The following MARCHF5 variants were observed in gnomAD, a reference collection of about 807,000 sequenced individuals.
MARCHF5 encodes the protein E3 ubiquitin-protein ligase MARCHF5.
In MARCHF5, 5 loss-of-function variants were observed where a neutral mutation model predicts 36.5. The ratio of observed to expected loss-of-function variants is 0.14; its 90% CI spans 0.07 to 0.29. MARCHF5 has a LOEUF of 0.29. MARCHF5 is among the 10% of genes least tolerant of loss of function. The pLI is 1.00. For missense variants in MARCHF5, 179 were observed against 336.3 expected, an observed-to-expected ratio of 0.53 and a Z score of 3.66; for synonymous variants, 103 against 109.9, an observed-to-expected ratio of 0.94 and a Z score of 0.39.
chr10:92,348,178 TC>T (rs1214203588), intron 3 of MARCHF5, among the ~76,000 whole-genome samples: 2 of 95,534 alleles, frequency 2.1e-5, no homozygotes, highest in East Asian at 6.2e-4. Context: ...AGCAAAAAAT[TC>T]CGTCTCAAAA....
intron 2 of MARCHF5, among the ~76,000 whole-genome samples, chr10:92,331,927 A>ATGTATATATAATCATATATATATG (rs1564951019): frequency 6.3e-4 from 92 of 146,124 alleles, no homozygotes; most frequent in African/African-American, 2.2e-3. Context: ...AATCATATAT[A>ATGTATATATAATCATATATATATG]TGTATATATA....
rs183223358 is a variant in MARCHF5, at chr10:92,342,681, A to G, written c.369+1878A>G. 2.0e-5 allele frequency among the ~76,000 whole-genome samples: 3 copies of G among 151,996 alleles called. No individual in the cohort carries two copies. The East Asian group carries it at 5.8e-4, about 29-fold the overall frequency. ...CTTAAAATAGTACCTTCAAAATCTT[A>G]CTCCCCAGCTTAACATCTCCATTGC... On this transcript the variant is annotated intron_variant, in intron 3 of 5. Transcript: ENST00000358935.
intron 1 of MARCHF5, among the ~76,000 whole-genome samples, chr10:92,299,825 T>C (rs1032564883): frequency 2.7e-4 from 41 of 152,268 alleles, no homozygotes; most frequent in Middle Eastern, 3.4e-3. Context: ...CTTAGAATAA[T>C]CATGCAGAAG....
At chr10:92,308,511 A>G (rs914789438) in intron 1 of MARCHF5, 2 of 152,046 alleles carry the variant, frequency 1.3e-5, no homozygotes, top group African/African-American at 4.8e-5. Flanking sequence ...TTTCAGCCTC[A>G]TTTTACCCAG....
chr10:92,304,179 C>T (rs1213403632), intron 1 of MARCHF5, among the ~76,000 whole-genome samples: 4 of 152,164 alleles, frequency 2.6e-5, no homozygotes, highest in East Asian at 3.8e-4. Context: ...AGTAGAATTG[C>T]TTTATGTGCT....
chr10:92,328,815 A>ATT (rs1234886251), intron 2 of MARCHF5, among the ~76,000 whole-genome samples: 241 of 66,066 alleles, frequency 3.6e-3, no homozygotes, highest in South Asian at 0.023. Context: ...ATATATATAT[A>ATT]TATATATTTT....
Position 92,351,289 on chromosome 10 carries a change from G to A in MARCHF5, c.*82G>A, listed in dbSNP as rs745551731. ...TTGATTCCATCATTAATGCACTTGT[G>A]GAGACTTGTGATAAGCTGCTGCTCC... is the stretch of plus-strand genomic sequence containing the variant. On this transcript the variant is annotated 3_prime_UTR_variant, in exon 6 of 6. Transcript: ENST00000358935. 142 of 830,832 alleles carry A rather than the reference G, an allele frequency of 1.7e-4. No individual in the cohort carries two copies. Among genetic ancestry groups the A allele is most frequent in the Non-Finnish European group, 2.5e-4 (125 of 504,062 alleles). 51.5% of individuals were successfully genotyped at this position (830,832 alleles called of 1,614,324 possible).
Position 92,291,465 on chromosome 10 carries a change from G to A in MARCHF5, c.-30G>A. 1 of 1,535,316 alleles carries A rather than the reference G, an allele frequency of 6.5e-7. No homozygotes were observed. The highest frequency in any genetic ancestry group is 8.8e-7 in the Non-Finnish European group (1 of 1,133,500). Reference sequence around the variant, plus strand: ...GCCTGGCCTTGAGCGGGTCCACTGGGGAAGGCCGTGTGCGCCGGCTCCGCG... The same window carrying A: ...GCCTGGCCTTGAGCGGGTCCACTGGAGAAGGCCGTGTGCGCCGGCTCCGCG... On this transcript the variant is annotated 5_prime_UTR_variant, in exon 1 of 6. Transcript: ENST00000358935.
chr10:92,324,294 A>G (rs1401022969), intron 2 of MARCHF5, among the ~76,000 whole-genome samples: 1 of 152,176 alleles, frequency 6.6e-6, no homozygotes, highest in Non-Finnish European at 1.5e-5. Flanking sequence ...TGTCTTGGGC[A>G]GATCTTTTCT....
At chr10:92,320,226 T>A (rs1843274533) in intron 2 of MARCHF5, among the ~76,000 whole-genome samples, 1 of 151,770 alleles carries the variant, frequency 6.6e-6, no homozygotes, top group African/African-American at 2.4e-5. Flanking sequence ...GCTAATTTTT[T>A]TTTTATTTTT....
At chr10:92,304,755 T>C (rs550822618) in intron 1 of MARCHF5, among the ~76,000 whole-genome samples, 1 of 152,306 alleles carries the variant, frequency 6.6e-6, no homozygotes, top group East Asian at 1.9e-4. Context: ...TTAGCAAAAA[T>C]AAACGTGATG....
intron 2 of MARCHF5, among the ~76,000 whole-genome samples, chr10:92,315,319 T>C (rs1340411644): frequency 1.3e-5 from 2 of 152,256 alleles, no homozygotes; most frequent in Non-Finnish European, 2.9e-5. Context: ...TAGCACGTAA[T>C]GTCCGATAGT....
chr10:92,310,998 C>G (rs2135186184), intron 1 of MARCHF5, 137 bp from the exon 2 acceptor site: 1 of 629,466 alleles, frequency 1.6e-6, no homozygotes, highest in South Asian at 2.2e-5. Context: ...GTTGTTTTGT[C>G]TCCTTAGTCT....
At chr10:92,296,839 C>G (rs1487913018) in intron 1 of MARCHF5, among the ~76,000 whole-genome samples, 1 of 152,120 alleles carries the variant, frequency 6.6e-6, no homozygotes, top group Non-Finnish European at 1.5e-5. Context: ...ATGTATACCC[C>G]TTTGAAGACC....
At chr10:92,318,339 T>C (rs527891494) in intron 2 of MARCHF5, among the ~76,000 whole-genome samples, 36 of 150,636 alleles carry the variant, frequency 2.4e-4, no homozygotes, top group Admixed American at 6.0e-4. Context: ...GGCGCTAGAA[T>C]CACTTGAACC....
chr10:92,345,923 C>G (rs939812929), intron 3 of MARCHF5, among the ~76,000 whole-genome samples: 8 of 152,040 alleles, frequency 5.3e-5, no homozygotes, highest in Non-Finnish European at 1.2e-4. Context: ...CTCCTAGACT[C>G]AAGTTACCCA....
intron 2 of MARCHF5, among the ~76,000 whole-genome samples, chr10:92,332,360 C>A (rs1330458217): frequency 2.0e-5 from 3 of 152,000 alleles, no homozygotes; most frequent in East Asian, 1.9e-4. Context: ...GGTGAAATCT[C>A]AAACTACCAG....
intron 2 of MARCHF5, among the ~76,000 whole-genome samples, chr10:92,320,713 G>A (rs539285442): frequency 1.9e-4 from 28 of 149,906 alleles, no homozygotes; most frequent in South Asian, 6.7e-4. Context: ...TGTGTTTTAA[G>A]CTGTTAATAC....
intron 2 of MARCHF5, among the ~76,000 whole-genome samples, chr10:92,339,353 CAGTG>C (rs1055115672): frequency 6.0e-5 from 9 of 149,196 alleles, no homozygotes; most frequent in African/African-American, 2.0e-4. Flanking sequence ...CTGGGTGACA[CAGTG>C]AGACTCTGTC....
Sources: gnomAD v4.1 joint callset for allele counts (sites outside exome capture counted in the v4.1 genomes callset) on GRCh38, gnomAD v4.1.1 for gene constraint, MANE v1.5 for transcripts, NCBI Gene and HGNC (gene_info 2026-07-23, HGNC 2026-07-21) for gene names.